SPTAN1: variants seen among roughly 807,000 people sequenced by gnomAD.
The protein encoded by SPTAN1 is spectrin alpha, non-erythrocytic 1.
SPTAN1 carries 61 observed loss-of-function variants against 331.3 expected under a neutral mutation model. The ratio of observed to expected loss-of-function variants is 0.18; its 90% CI spans 0.15 to 0.23. The LOEUF (loss-of-function observed/expected upper bound fraction) is 0.23. Among genes scored for constraint, SPTAN1 ranks in the 10% least tolerant of loss-of-function variants. The probability of loss-of-function intolerance (pLI) is 1.00; values close to 1 mark genes in which losing one functional copy is unlikely to be tolerated. For missense variants in SPTAN1, 2,043 were observed against 3,147.9 expected, an observed-to-expected ratio of 0.65 and a Z score of 8.40; for synonymous variants, 1,153 against 1,173.9, an observed-to-expected ratio of 0.98 and a Z score of 0.36.
chr9:128,565,741 C>T (rs187974678), intron 1 of SPTAN1, among the ~76,000 whole-genome samples: 6 of 152,296 alleles, frequency 3.9e-5, no homozygotes, highest in Non-Finnish European at 7.3e-5. Flanking sequence ...GAAAGAACTC[C>T]CAGATGTTTC....
intron 3 of SPTAN1, among the ~76,000 whole-genome samples, chr9:128,570,958 G>A (rs2130900669): frequency 6.6e-6 from 1 of 152,264 alleles, no homozygotes; most frequent in Non-Finnish European, 1.5e-5. Context: ...GCCGCTCCTG[G>A]CCTAGATAGC....
rs781021400 is a variant in SPTAN1, at chr9:128,600,109, G to C, written c.3573G>C (p.Pro1191=). ...AAACTGATTCCAAGACAGCCTCCCC[G>C]TGGAAGGTAAGAACTCCTTTGCAAA... is the stretch of plus-strand genomic sequence containing the variant. ...RDETDSKTAS[P]WKSARLMVHT... is the part of the protein sequence containing the mutation. Residue 1191 remains proline (P), a synonymous_variant, in exon 27 of 57, where the codon CCG becomes CCC. Coordinates refer to ENST00000372739, the MANE Select transcript of SPTAN1 (RefSeq NM_001130438.3). The C allele has an allele frequency of 6.2e-7, 1 of 1,614,138 alleles. No homozygotes were observed. Among genetic ancestry groups the C allele is most frequent in the Non-Finnish European group, 8.5e-7 (1 of 1,180,006 alleles).
chr9:128,553,494 A>G (rs954775183), intron 1 of SPTAN1: 1 of 152,198 alleles, frequency 6.6e-6, no homozygotes, highest in South Asian at 2.1e-4. Context: ...CTACCATACC[A>G]CTGTTGAATG....
At chr9:128,562,696 TG>T (rs1849513661) in intron 1 of SPTAN1, among the ~76,000 whole-genome samples, 1 of 28,370 alleles carries the variant, frequency 3.5e-5, no homozygotes, top group African/African-American at 8.7e-5. Flanking sequence ...TATGACTGCC[TG>T]TTATCATTAA....
intron 3 of SPTAN1, among the ~76,000 whole-genome samples, chr9:128,570,322 ATATATATATTTTTTTT>A (rs1236639160): frequency 3.0e-5 from 1 of 33,582 alleles, no homozygotes; most frequent in African/African-American, 1.3e-4. Flanking sequence ...ATATATATAT[ATATATATATTTTTTTT>A]TTTTTTTTTT....
Position 128,568,890 on chromosome 9 carries a change from C to T in SPTAN1, c.356C>T (p.Thr119Ile), listed in dbSNP as rs1850338993. The T allele has an allele frequency of 2.5e-6, 4 of 1,613,934 alleles. No individual in the cohort carries two copies. The highest frequency in any genetic ancestry group is 4.5e-5 in the East Asian group (2 of 44,896). Residue 119 changes from threonine to isoleucine, a missense_variant, in exon 3 of 57, where the codon ACC becomes ATC. This residue lies in a region of SPTAN1 where 1,038 missense variants were observed against 1,531.5 expected (regional missense o/e 0.68). Transcript: ENST00000372739. ...TCAGAAGGGCATTTTGCATCTGAAA[C>T]CATACGGGTGAGTATGAGTAGCTCG... ...MISEGHFASE[T>I]IRTRLMELHR...
chr9:128,558,288 C>T (rs1402827890), intron 1 of SPTAN1, among the ~76,000 whole-genome samples: 1 of 152,222 alleles, frequency 6.6e-6, no homozygotes, highest in Non-Finnish European at 1.5e-5. Flanking sequence ...ATGCAGCTAA[C>T]GTTTGACTGC....
Position 128,607,710 on chromosome 9 carries a change from G to A in SPTAN1, c.4146+7G>A, listed in dbSNP as rs1350386465. 2.5e-6 allele frequency: 4 copies of A among 1,613,876 alleles called. No homozygotes were observed. The highest frequency in any genetic ancestry group is 3.4e-6 in the Non-Finnish European group (4 of 1,179,864). ...ATTGCTGGAGCGACACCAGGTGGGT[G>A]GACCTGCCTGCTGAGTAGCAAAGAC... On this transcript the variant is annotated splice_region_variant and intron_variant, in intron 32 of 56. Coordinates refer to ENST00000372739, the MANE Select transcript of SPTAN1 (RefSeq NM_001130438.3).
Position 128,624,335 on chromosome 9 carries a change from A to G in SPTAN1, c.5840A>G (p.His1947Arg), listed in dbSNP as rs1349994170. 1 of 1,613,866 alleles carries G rather than the reference A, an allele frequency of 6.2e-7. No individual in the cohort carries two copies. Among genetic ancestry groups the G allele is most frequent in the Non-Finnish European group, 8.5e-7 (1 of 1,179,990 alleles). The change falls in exon 46 of 57, where the codon CAC becomes CGC. Residue 1947 changes from histidine to arginine, a missense_variant. Physicochemically the swap from His to Arg is conservative, Grantham distance 29. Coordinates refer to ENST00000372739, the MANE Select transcript of SPTAN1 (RefSeq NM_001130438.3). The stretch of plus-strand genomic sequence containing the variant: ...CCTCTCTCCATGGCCTAGAACAATC[A>G]CCATGAGGAGAACATCTCTTCAAAG... ...NGQDLIKKNN[H>R]HEENISSKMK...
intron 56 of SPTAN1, 58 bp downstream of exon 56, chr9:128,633,013 G>A: frequency 1.2e-6 from 2 of 1,604,498 alleles, no homozygotes; most frequent in Non-Finnish European, 1.7e-6. Context: ...AGCCAAATTT[G>A]TGGCAGAGCT....
chr9:128,553,784 A>G (rs566938344), intron 1 of SPTAN1, among the ~76,000 whole-genome samples: 1 of 152,314 alleles, frequency 6.6e-6, no homozygotes, highest in South Asian at 2.1e-4. Context: ...TATTTTAGAA[A>G]AACTTACCAT....
chr9:128,630,593 G>A (rs1313755201), intron 52 of SPTAN1: 7 of 522,306 alleles, frequency 1.3e-5, no homozygotes, highest in East Asian at 1.0e-4. Flanking sequence ...GCAGTGGTGC[G>A]ATATTGGCTC....
intron 24 of SPTAN1, among the ~76,000 whole-genome samples, chr9:128,594,804 C>CT (rs10594067): frequency 0.06 from 5,415 of 90,326 alleles, 207 homozygotes; most frequent in Non-Finnish European, 0.091. Context: ...ATGTATGTAG[C>CT]TTTTTTTTTT....
Position 128,625,989 on chromosome 9 carries a change from G to T in SPTAN1, c.6279+11G>T. ...AGTCACTTCCGCAAGGTGAGGATGGGGCCACGTGAAGCTTAGCTGGCCCAC... is the reference window on the plus strand; with the variant it reads ...AGTCACTTCCGCAAGGTGAGGATGGTGCCACGTGAAGCTTAGCTGGCCCAC... On this transcript the variant is annotated intron_variant, in intron 48 of 56. Transcript: ENST00000372739. This position sits in a 1 kb window ranked among gnomAD's most constrained non-coding sequence, Gnocchi z 4.1. 1 of 1,613,310 alleles carries T rather than the reference G, an allele frequency of 6.2e-7. No homozygotes were observed. The highest frequency in any genetic ancestry group is 8.5e-7 in the Non-Finnish European group (1 of 1,179,542).
At chr9:128,606,143 A>G (rs1855815407) in intron 31 of SPTAN1, among the ~76,000 whole-genome samples, 1 of 151,878 alleles carries the variant, frequency 6.6e-6, no homozygotes, top group African/African-American at 2.4e-5. Context: ...AAGTCAAAGC[A>G]GGTGGATCAC....
At position 128,615,784 on chromosome 9, in the gene SPTAN1, A is replaced by G. The variant is rs200641770; in HGVS notation, c.5301A>G (p.Glu1767=). Residue 1767 remains glutamate (E), a synonymous_variant, in exon 41 of 57, where the codon GAA becomes GAG. Coordinates refer to ENST00000372739, the MANE Select transcript of SPTAN1 (RefSeq NM_001130438.3). The part of the protein sequence containing the change: ...MAASRRAKLN[E]SHRLHQFFRD... ...CCTCCCGGCGAGCCAAGCTGAATGA[A>G]TCCCATCGCCTGCACCAGTTCTTCC... 61 of 1,614,232 alleles carry G rather than the reference A, an allele frequency of 3.8e-5. No individual in the cohort carries two copies. In the Admixed American group the frequency reaches 5.7e-4, roughly 15 times the overall value.
At position 128,583,215 on chromosome 9, in the gene SPTAN1, G is replaced by A. The variant is rs767460630; in HGVS notation, c.1945G>A (p.Val649Met). 2.5e-6 allele frequency: 4 copies of A among 1,613,962 alleles called. No homozygotes were observed. In the African/African-American group the frequency reaches 5.3e-5, roughly 22 times the overall value. The change falls in exon 15 of 57, where the codon GTG (valine) becomes ATG (methionine). Residue 649 changes from valine to methionine, a missense_variant. By Grantham distance (21) the Val-to-Met change is conservative. Around this residue, in one of 12 missense-constraint regions of SPTAN1, gnomAD observed 1,038 missense variants for 1,531.5 expected, o/e 0.68. Coordinates refer to ENST00000372739, the MANE Select transcript of SPTAN1 (RefSeq NM_001130438.3). The stretch of plus-strand genomic sequence containing the variant: ...TGTCAACCACTATGCCAAGGATGAA[G>A]TGGCAGCTCGTATGAATGAGGTGAT... ...IDVNHYAKDEVAARMNEVISL... is the reference protein window; with the variant it reads ...IDVNHYAKDEMAARMNEVISL...
At chr9:128,584,556 C>G (rs1344366052) in intron 17 of SPTAN1, 31 bp downstream of exon 17, 1 of 1,613,992 alleles carries the variant, frequency 6.2e-7, no homozygotes, top group Non-Finnish European at 8.5e-7. Flanking sequence ...TAGGAATCAA[C>G]TTGGGAAAGG....
chr9:128,594,733 G>A (rs533360315), intron 24 of SPTAN1, among the ~76,000 whole-genome samples: 1 of 149,316 alleles, frequency 6.7e-6, no homozygotes, highest in Non-Finnish European at 1.5e-5. Flanking sequence ...CGCCTGGCCA[G>A]AGTCTCTTGA....
Sources: gnomAD v4.1 joint callset for allele counts (sites outside exome capture counted in the v4.1 genomes callset) on GRCh38, gnomAD v4.1.1 for gene constraint, gnomAD v4.1.1 regional missense constraint, Gnocchi (gnomAD v3.1) non-coding constraint, MANE v1.5 for transcripts, NCBI Gene and HGNC (gene_info 2026-07-23, HGNC 2026-07-21) for gene names.